TVP23C: variants seen among roughly 807,000 people sequenced by gnomAD.
The protein encoded by TVP23C is Golgi apparatus membrane protein TVP23 homolog C.
A neutral mutation model predicts 28.7 loss-of-function variants in TVP23C; 19 were observed. The observed-to-expected ratio is 0.66, with a 90% CI of 0.46 to 0.97. TVP23C has a LOEUF of 0.97. Among genes scored for constraint, TVP23C ranks in the 50% least tolerant of loss-of-function variants. The pLI, the probability that TVP23C is intolerant of heterozygous loss-of-function variation, is 0.00. For missense variants in TVP23C, 186 were observed against 241.3 expected, an observed-to-expected ratio of 0.77 and a Z score of 1.52; for synonymous variants, 68 against 81.7, an observed-to-expected ratio of 0.83 and a Z score of 0.90.
chr17:15,537,528 T>G lies in TVP23C; in HGVS notation c.*2884A>C, dbSNP rs1983205078. 1.0e-6 allele frequency: 1 copy of G among 984,392 alleles called. No homozygotes were observed. The highest frequency in any genetic ancestry group is 1.2e-6 in the Non-Finnish European group (1 of 829,092). The allele number at this position is 984,392 out of a possible 1,614,324, so 61.0% of individuals were successfully genotyped here. Reference sequence around the variant, plus strand: ...ACTGGGCCTTAAGTAGATAACTTCTTACAAACAAAAATAAAATTTTATAAA... The same window carrying G: ...ACTGGGCCTTAAGTAGATAACTTCTGACAAACAAAAATAAAATTTTATAAA... On this transcript the variant is annotated 3_prime_UTR_variant, in exon 6 of 6. Transcript: ENST00000518321.
chr17:15,543,392 C>T (rs377446010), intron 5 of TVP23C, among the ~76,000 whole-genome samples: 8,272 of 145,180 alleles, frequency 0.057, 288 homozygotes, highest in Middle Eastern at 0.086. Context: ...AAAACTATAG[C>T]GAAAAAAGAA....
intron 1 of TVP23C, among the ~76,000 whole-genome samples, chr17:15,560,740 C>T (rs1037723791): frequency 1.4e-5 from 2 of 147,640 alleles, no homozygotes; most frequent in African/African-American, 4.9e-5. Context: ...TTTTTCAGTA[C>T]AGACGGGGTT....
At chr17:15,546,401 A>G (rs189335567) in intron 4 of TVP23C, among the ~76,000 whole-genome samples, 1 of 152,272 alleles carries the variant, frequency 6.6e-6, no homozygotes, top group Admixed American at 6.5e-5. Flanking sequence ...AGTTGTTTCC[A>G]AGGTAGATTC....
At chr17:15,508,166 G>A (rs1981846727) in intron 5 of TVP23C, among the ~76,000 whole-genome samples, 1 of 152,060 alleles carries the variant, frequency 6.6e-6, no homozygotes, top group Admixed American at 6.5e-5. Flanking sequence ...TGCATCCCTA[G>A]GAGGTACTCC....
Position 15,545,832 on chromosome 17 carries a change from C to A in TVP23C, c.415G>T (p.Val139Leu), listed in dbSNP as rs763478443. 1 of 1,613,974 alleles carries A rather than the reference C, an allele frequency of 6.2e-7. No individual in the cohort carries two copies. The highest frequency in any genetic ancestry group is 2.2e-5 in the East Asian group (1 of 44,872). The change falls in exon 5 of 6, where the codon GTG becomes TTG. Residue 139 changes from valine to leucine, a missense_variant. Physicochemically the swap from Val to Leu is conservative, Grantham distance 32. Around this residue, in one of 3 missense-constraint regions of TVP23C, gnomAD observed 74 missense variants for 96.0 expected, o/e 0.77. Coordinates refer to ENST00000518321, the MANE Select transcript of TVP23C (RefSeq NM_001135036.2). ...LGLIACSVLW[V>L]IFAFSALFSF... is the part of the protein sequence containing the mutation. ...AAGAGTGCACTAAAGGCAAATATCA[C>A]CCACAGTACTGAACAGGCAATAAGT...
intron 1 of TVP23C, chr17:15,563,217 G>C: frequency 1.3e-6 from 1 of 755,770 alleles, no homozygotes. Flanking sequence ...ACAGCCGCAA[G>C]AAGTACTTGC....
chr17:15,563,472 T>C lies in TVP23C; in HGVS notation c.-24A>G, dbSNP rs1984500097. On this transcript the variant is annotated 5_prime_UTR_variant, in exon 1 of 6. Coordinates refer to ENST00000518321, the MANE Select transcript of TVP23C (RefSeq NM_001135036.2). ...ATGGCGGCCCTACGCCAGCCCTGCTTCCAGGAGCCACGTCAGCGCAGCAGC... is the reference window on the plus strand; with the variant it reads ...ATGGCGGCCCTACGCCAGCCCTGCTCCCAGGAGCCACGTCAGCGCAGCAGC... The C allele has an allele frequency of 8.2e-6, 13 of 1,580,736 alleles. No homozygotes were observed. Among genetic ancestry groups the C allele is most frequent in the East Asian group, 2.3e-5 (1 of 43,354 alleles).
exon 6 of TVP23C, chr17:15,502,519 G>A (rs1400368284): frequency 4.4e-6 from 1 of 229,256 alleles, no homozygotes; most frequent in African/African-American, 2.3e-5. Context: ...CCAGAGCCTT[G>A]GGGATCCCCT....
At chr17:15,542,515 C>T (rs1192986467) in intron 5 of TVP23C, among the ~76,000 whole-genome samples, 5 of 152,040 alleles carry the variant, frequency 3.3e-5, no homozygotes, top group East Asian at 3.9e-4. Flanking sequence ...CTCGCTCTGT[C>T]ACTCAGGCTG....
chr17:15,509,461 T>A (rs937492671), intron 5 of TVP23C, among the ~76,000 whole-genome samples: 1 of 152,240 alleles, frequency 6.6e-6, no homozygotes, highest in Non-Finnish European at 1.5e-5. Context: ...GCACCTTCTT[T>A]CCAAGTGGTG....
intron 5 of TVP23C, among the ~76,000 whole-genome samples, chr17:15,531,731 T>C (rs1340604694): frequency 1.3e-5 from 2 of 152,200 alleles, no homozygotes; most frequent in South Asian, 2.1e-4. Context: ...TTTTGTTTAA[T>C]AGATCTAATG....
chr17:15,502,469 A>C, exon 6 of TVP23C: 1 of 180,244 alleles, frequency 5.5e-6, no homozygotes, highest in Non-Finnish European at 1.1e-5. Context: ...GTCCTCGCCT[A>C]GGAGGGACCG....
intron 5 of TVP23C, chr17:15,507,352 T>TTA (rs1223491074): frequency 4.1e-6 from 3 of 733,488 alleles, no homozygotes; most frequent in East Asian, 2.6e-5. Context: ...ACAACTCTAA[T>TTA]AAGTTTCACT....
intron 5 of TVP23C, among the ~76,000 whole-genome samples, chr17:15,522,797 C>A (rs1159693173): frequency 6.6e-6 from 1 of 152,052 alleles, no homozygotes; most frequent in East Asian, 1.9e-4. Context: ...AATCCCAGCA[C>A]AATGGGAGGC....
chr17:15,529,919 C>T (rs958914469), intron 5 of TVP23C, among the ~76,000 whole-genome samples: 1 of 152,066 alleles, frequency 6.6e-6, no homozygotes, highest in East Asian at 1.9e-4. Context: ...ATCCCTCAGC[C>T]TCCAGAGTAG....
intron 5 of TVP23C, among the ~76,000 whole-genome samples, chr17:15,526,585 C>A (rs1209196711): frequency 6.6e-6 from 1 of 152,168 alleles, no homozygotes; most frequent in African/African-American, 2.4e-5. Flanking sequence ...TGACTAATTT[C>A]ACAATAAGAT....
intron 5 of TVP23C, among the ~76,000 whole-genome samples, chr17:15,527,148 A>G (rs1241266247): frequency 6.6e-6 from 1 of 152,102 alleles, no homozygotes; most frequent in Non-Finnish European, 1.5e-5. Flanking sequence ...AAGTCCCCCT[A>G]CTTTAACCTT....
intron 5 of TVP23C, among the ~76,000 whole-genome samples, chr17:15,523,901 C>A (rs1982597952): frequency 6.6e-6 from 1 of 152,248 alleles, no homozygotes; most frequent in Non-Finnish European, 1.5e-5. Context: ...GCGTGAGCCA[C>A]CGCGCCCAGC....
chr17:15,560,488 T>C (rs1490892664), intron 1 of TVP23C, among the ~76,000 whole-genome samples: 1 of 149,430 alleles, frequency 6.7e-6, no homozygotes. Context: ...AAAAGACAAG[T>C]ATATATGATA....
Sources: gnomAD v4.1 joint callset for allele counts (sites outside exome capture counted in the v4.1 genomes callset) on GRCh38, gnomAD v4.1.1 for gene constraint, gnomAD v4.1.1 regional missense constraint, MANE v1.5 for transcripts, NCBI Gene and HGNC (gene_info 2026-07-23, HGNC 2026-07-21) for gene names.